BICRAL: variants seen among roughly 807,000 people sequenced by gnomAD.
BICRAL encodes BRD4-interacting chromatin-remodeling complex-associated protein-like.
Under a neutral mutation model 91.8 loss-of-function variants are expected in BICRAL, and 8 were observed. The observed-to-expected ratio is 0.09, with a 90% CI of 0.05 to 0.16. The LOEUF (loss-of-function observed/expected upper bound fraction) is 0.16, where lower values mean the gene tolerates loss of function less well. Ranked by LOEUF, BICRAL falls within the 10% of genes least tolerant of loss-of-function variation. BICRAL has a pLI of 1.00. For missense variants in BICRAL, 1,038 were observed against 1,310.9 expected, an observed-to-expected ratio of 0.79 and a Z score of 3.21; for synonymous variants, 445 against 491.1, an observed-to-expected ratio of 0.91 and a Z score of 1.24.
intron 2 of BICRAL, among the ~76,000 whole-genome samples, chr6:42,819,587 A>G (rs765683942): frequency 1.3e-5 from 2 of 152,310 alleles, no homozygotes; most frequent in East Asian, 1.9e-4. Flanking sequence ...TGCCCGGCCT[A>G]TCTTCTCATT....
At chr6:42,858,214 A>T (rs1055084134) in intron 10 of BICRAL, among the ~76,000 whole-genome samples, 1 of 151,712 alleles carries the variant, frequency 6.6e-6, no homozygotes, top group African/African-American at 2.4e-5. Context: ...CAAGAAACTG[A>T]CAAAAATGTG....
rs942355840 is a variant in BICRAL, at chr6:42,866,849, T to C, written c.*1403T>C. On this transcript the variant is annotated 3_prime_UTR_variant, in exon 13 of 13. Coordinates refer to ENST00000314073, the MANE Select transcript of BICRAL (RefSeq NM_001393499.1). ...TCTGTTGTTACCTTTATTCTTAATG[T>C]CATTGTAACCATCACTTATCTCCTC... 18 of 456,246 alleles carry C rather than the reference T, an allele frequency of 3.9e-5. No individual in the cohort carries two copies. The highest frequency in any genetic ancestry group is 7.1e-5 in the Admixed American group (3 of 42,550). The allele number at this position is 456,246 out of a possible 1,614,324, so 28.3% of individuals were successfully genotyped here. A position where few individuals can be genotyped will look rare whatever the true frequency, so the allele number is the denominator to read the frequency against.
chr6:42,764,168 G>A (rs561140723), intron 1 of BICRAL, among the ~76,000 whole-genome samples: 169 of 151,306 alleles, frequency 1.1e-3, no homozygotes, highest in African/African-American at 3.8e-3. Flanking sequence ...CTTGAACCTG[G>A]GAGGCAGAGG....
chr6:42,805,583 T>C (rs1396955420), intron 1 of BICRAL, among the ~76,000 whole-genome samples: 1 of 152,172 alleles, frequency 6.6e-6, no homozygotes, highest in Admixed American at 6.6e-5. Flanking sequence ...TTTTAAAATA[T>C]TTCCTGAGTT....
intron 5 of BICRAL, among the ~76,000 whole-genome samples, chr6:42,826,395 C>T (rs550098652): frequency 3.0e-3 from 463 of 151,812 alleles, no homozygotes; most frequent in African/African-American, 0.01. Flanking sequence ...TCACCGTGCC[C>T]GGCTAATTTT....
At chr6:42,750,832 C>G (rs1762365558) in intron 1 of BICRAL, among the ~76,000 whole-genome samples, 1 of 150,474 alleles carries the variant, frequency 6.6e-6, no homozygotes, top group Non-Finnish European at 1.5e-5. Flanking sequence ...CCTGCCTCAG[C>G]CTCCCAAAGT....
At chr6:42,790,728 G>A (rs1409969523) in intron 1 of BICRAL, among the ~76,000 whole-genome samples, 1 of 152,072 alleles carries the variant, frequency 6.6e-6, no homozygotes, top group Non-Finnish European at 1.5e-5. Flanking sequence ...AAAGGTGAGA[G>A]GAGCAAATCT....
chr6:42,809,430 ATTTT>A (rs989054840), intron 1 of BICRAL, among the ~76,000 whole-genome samples: 1 of 111,942 alleles, frequency 8.9e-6, no homozygotes. Context: ...AACTATGAGA[ATTTT>A]TTTTTTTTTT....
intron 1 of BICRAL, among the ~76,000 whole-genome samples, chr6:42,774,697 T>G (rs1315274851): frequency 6.6e-6 from 1 of 152,154 alleles, no homozygotes; most frequent in Non-Finnish European, 1.5e-5. Flanking sequence ...AACTAGTAAT[T>G]GGAAGATTTA....
At chr6:42,856,056 G>A in intron 9 of BICRAL, 139 bp downstream of exon 9, 2 of 737,936 alleles carry the variant, frequency 2.7e-6, no homozygotes, top group East Asian at 2.6e-5. Context: ...GCAAGGCATG[G>A]TGACTCACTC....
At chr6:42,800,314 C>T (rs1422678907) in intron 1 of BICRAL, among the ~76,000 whole-genome samples, 1 of 151,940 alleles carries the variant, frequency 6.6e-6, no homozygotes, top group Non-Finnish European at 1.5e-5. Context: ...CCATCTGCCT[C>T]GGCCTCCCAA....
At chr6:42,748,292 C>G (rs1762320913) in intron 1 of BICRAL, among the ~76,000 whole-genome samples, 1 of 152,076 alleles carries the variant, frequency 6.6e-6, no homozygotes, top group Non-Finnish European at 1.5e-5. Flanking sequence ...TAGAAAAAAA[C>G]AACCTGACCT....
chr6:42,763,695 C>T (rs953637039), intron 1 of BICRAL, among the ~76,000 whole-genome samples: 38 of 151,740 alleles, frequency 2.5e-4, no homozygotes, highest in African/African-American at 8.5e-4. Flanking sequence ...GTGGCATGTG[C>T]CTGTAATCCC....
intron 10 of BICRAL, among the ~76,000 whole-genome samples, chr6:42,858,293 A>G (rs1411810272): frequency 6.8e-6 from 1 of 146,750 alleles, no homozygotes; most frequent in East Asian, 2.1e-4. Flanking sequence ...AGGCAGGCCG[A>G]TCACCTGAGG....
At chr6:42,845,175 CTGTTTTT>C (rs1764958445) in intron 6 of BICRAL, among the ~76,000 whole-genome samples, 1 of 78,956 alleles carries the variant, frequency 1.3e-5, no homozygotes, top group South Asian at 5.0e-4. Flanking sequence ...GCTGCCTTCT[CTGTTTTT>C]TGTTTTTTGG....
Position 42,850,604 on chromosome 6 carries a change from G to A in BICRAL, c.1840-1488G>A, listed in dbSNP as rs562161751. On this transcript the variant is annotated intron_variant, in intron 6 of 12. Transcript: ENST00000314073. The stretch of plus-strand genomic sequence containing the variant: ...CACAGAGGATTAAAAACTGAGGGTA[G>A]GTAGGGCACGGTGGCTCACGTTTGT... 2.0e-5 allele frequency among the ~76,000 whole-genome samples: 3 copies of A among 152,122 alleles called. No individual in the cohort carries two copies. The East Asian group carries it at 5.8e-4, about 29-fold the overall frequency.
chr6:42,755,667 CTTTCT>C (rs1762446451), intron 1 of BICRAL, among the ~76,000 whole-genome samples: 1 of 150,714 alleles, frequency 6.6e-6, no homozygotes, highest in African/African-American at 2.4e-5. Context: ...CCAGTCACCT[CTTTCT>C]TTTTTTTTTT....
At chr6:42,808,235 G>A (rs781042710) in intron 1 of BICRAL, among the ~76,000 whole-genome samples, 41 of 151,726 alleles carry the variant, frequency 2.7e-4, no homozygotes, top group Non-Finnish European at 5.4e-4. Context: ...AGGTTTAAGC[G>A]ATTCTCCTGC....
chr6:42,829,105 C>A lies in BICRAL; in HGVS notation c.772C>A (p.Gln258Lys), dbSNP rs759656651. 6.2e-7 allele frequency: 1 copy of A among 1,614,022 alleles called. No homozygotes were observed. Among genetic ancestry groups the A allele is most frequent in the African/African-American group, 1.3e-5 (1 of 74,934 alleles). The change falls in exon 6 of 13, where the codon CAG becomes AAG. Residue 258 changes from glutamine to lysine, a missense_variant. Physicochemically the swap from Gln to Lys is moderately conservative, Grantham distance 53. Transcript: ENST00000314073. ...NVSGGLLVHR[Q>K]TPNGNSLFGN... is the part of the protein sequence containing the mutation. ...GAGTGGAGGGCTCCTGGTTCATAGA[C>A]AGACTCCTAATGGCAACTCCTTGTT...
Sources: gnomAD v4.1 joint callset for allele counts (sites outside exome capture counted in the v4.1 genomes callset) on GRCh38, gnomAD v4.1.1 for gene constraint, MANE v1.5 for transcripts, NCBI Gene and HGNC (gene_info 2026-07-23, HGNC 2026-07-21) for gene names.